Variants in UMODL1 observed in about 807,000 individuals in gnomAD.
UMODL1 encodes uromodulin-like 1.
A neutral mutation model predicts 136.3 loss-of-function variants in UMODL1; 128 were observed. That is an observed-to-expected ratio of 0.94 (90% CI 0.81 to 1.09). The LOEUF (loss-of-function observed/expected upper bound fraction) is 1.09. Among genes scored for constraint, UMODL1 ranks in the 50% least tolerant of loss-of-function variants. UMODL1 has a pLI of 0.00. For synonymous variants in UMODL1, 721 were observed against 720.0 expected (o/e 1.00, Z -0.02); for missense variants, 1,766 against 1,725.6 (o/e 1.02, Z -0.41).
chr21:42,131,049 A>G (rs959555591), intron 21 of UMODL1, among the ~76,000 whole-genome samples: 4 of 151,986 alleles, frequency 2.6e-5, no homozygotes, highest in Non-Finnish European at 4.4e-5. Context: ...TCCTGACCTC[A>G]TGATTTGCCC....
chr21:42,070,885 T>G (rs1160664907), upstream of UMODL1, among the ~76,000 whole-genome samples: 2 of 152,220 alleles, frequency 1.3e-5, no homozygotes, highest in Non-Finnish European at 2.9e-5. Flanking sequence ...TGTTCCACTT[T>G]GATTTGATGC....
chr21:42,066,276 C>T (rs529360977), intron 1 of UMODL1, among the ~76,000 whole-genome samples: 2 of 152,254 alleles, frequency 1.3e-5, no homozygotes, highest in Admixed American at 6.5e-5. Context: ...CTGAGCATTA[C>T]TCTTTATTTA....
intron 2 of UMODL1, 47 bp from the exon 3 acceptor site, chr21:42,084,037 G>T (rs763386042): frequency 8.8e-6 from 14 of 1,598,236 alleles, no homozygotes; most frequent in African/African-American, 2.7e-5. Context: ...AGCAAATCAG[G>T]TTTGTCTTTT....
At chr21:42,118,971 C>A (rs923816595) in intron 14 of UMODL1, 140 bp from the exon 15 acceptor site, 1 of 765,694 alleles carries the variant, frequency 1.3e-6, no homozygotes, top group Non-Finnish European at 2.1e-6. Flanking sequence ...AGGAAAGGGG[C>A]CCAGAACCAA....
rs2066593083 is a variant in UMODL1 at position 42,099,023 on chromosome 21, T to C, written c.1029T>C (p.His343=). ...ATTCTACACAGAACCACACTTTCCA[T>C]GTCCGGGTTTACCGGGGTATGGAGT... ...RLNSTQNHTF[H]VRVYRGMELL... Residue 343 remains histidine, a synonymous_variant, in exon 7 of 23, where the codon CAT becomes CAC. Transcript: ENST00000408910. This position sits in a 1 kb window ranked among gnomAD's most constrained non-coding sequence, Gnocchi z 4.1. 1 of 1,614,122 alleles carries C rather than the reference T, an allele frequency of 6.2e-7. No homozygotes were observed. Among genetic ancestry groups the C allele is most frequent in the Non-Finnish European group, 8.5e-7 (1 of 1,179,996 alleles).
chr21:42,068,157 G>A (rs985448189), upstream of UMODL1, among the ~76,000 whole-genome samples: 1 of 152,150 alleles, frequency 6.6e-6, no homozygotes, highest in Non-Finnish European at 1.5e-5. This position sits in a 1 kb window ranked among gnomAD's most constrained non-coding sequence, Gnocchi z 5.5. Flanking sequence ...ATTCCATATC[G>A]TGAGGAATTT....
In UMODL1 at chr21:42,127,838, GT is replaced by G. The variant is rs1203040216; in HGVS notation, c.3690+13del. ...CGGAGCCACGTGCAAAATCGTAAGT[GT>G]TTTTTGGTTTTCTAAACGTTTGGTT... is the stretch of plus-strand genomic sequence containing the variant. On this transcript the variant is annotated splice_region_variant and intron_variant, in intron 20 of 22. Transcript: ENST00000408910. The G allele has an allele frequency of 2.5e-6, 4 of 1,610,064 alleles. No individual in the cohort carries two copies. Among genetic ancestry groups the G allele is most frequent in the Non-Finnish European group, 3.4e-6 (4 of 1,178,418 alleles).
At chr21:42,069,992 T>G (rs1351647202), upstream of UMODL1, among the ~76,000 whole-genome samples, 1 of 152,218 alleles carries the variant, frequency 6.6e-6, no homozygotes, top group East Asian at 1.9e-4. Context: ...GGACACCCGT[T>G]GTACGCAGCC....
intron 6 of UMODL1, among the ~76,000 whole-genome samples, chr21:42,094,639 C>T (rs538472769): frequency 5.9e-5 from 9 of 152,230 alleles, no homozygotes; most frequent in African/African-American, 2.2e-4. Context: ...AACCAAAAAC[C>T]AAGTTATAGG....
At position 42,137,519 on chromosome 21, in the gene UMODL1, G is replaced by A; in HGVS notation, c.3856G>A (p.Gly1286Arg). The stretch of plus-strand genomic sequence containing the variant: ...GGTGGCCATCTTCGTGCTGGTGGCG[G>A]GAACAGCCACCCTTCTGATCGTGCG... The part of the protein sequence containing the change: ...IVVAIFVLVA[G>R]TATLLIVRYQ... The change falls in exon 22 of 23, where the codon GGA (glycine) becomes AGA (arginine). Residue 1286 changes from glycine (G) to arginine (R), a missense_variant. Gly to Arg is a moderately radical substitution (Grantham distance 125). Transcript: ENST00000408910. 6.2e-7 allele frequency: 1 copy of A among 1,614,220 alleles called. No homozygotes were observed. The highest frequency in any genetic ancestry group is 8.5e-7 in the Non-Finnish European group (1 of 1,180,038).
intron 17 of UMODL1, among the ~76,000 whole-genome samples, chr21:42,124,497 A>G (rs1275302082): frequency 1.3e-5 from 2 of 152,076 alleles, no homozygotes; most frequent in African/African-American, 4.8e-5. Context: ...GAGGCTGGAA[A>G]CCATGGCGGA....
At chr21:42,097,429 G>A (rs956688338) in intron 6 of UMODL1, among the ~76,000 whole-genome samples, 4 of 152,206 alleles carry the variant, frequency 2.6e-5, no homozygotes, top group South Asian at 2.1e-4. Flanking sequence ...GGGCTATGTC[G>A]CGTGGTGGTG....
At position 42,084,333 on chromosome 21, in the gene UMODL1, T is replaced by A. The variant is rs373330009; in HGVS notation, c.481+88T>A. The A allele has an allele frequency of 4.9e-6, 7 of 1,438,066 alleles. 1 individual carries two copies. Among genetic ancestry groups the A allele is most frequent in the African/African-American group, 1.4e-5 (1 of 69,766 alleles). The allele number at this position is 1,438,066 out of a possible 1,614,324, so 89.1% of individuals were successfully genotyped here. On this transcript the variant is annotated intron_variant, in intron 3 of 22. Coordinates refer to ENST00000408910, the MANE Select transcript of UMODL1 (RefSeq NM_001004416.3). Reference sequence around the variant, plus strand: ...CTGTGTGAAGGTGTGGGGGGGAGTGTGTTTCTAGGAGCAGTGACCGATTTC... The same window carrying A: ...CTGTGTGAAGGTGTGGGGGGGAGTGAGTTTCTAGGAGCAGTGACCGATTTC...
chr21:42,099,360 C>T lies in UMODL1; in HGVS notation c.1186+180C>T, dbSNP rs55999015. Among the ~76,000 whole-genome samples the T allele has an allele frequency of 0.27, 40,808 of 152,076 alleles. 5,534 individuals are homozygous for T. Among genetic ancestry groups the T allele is most frequent in the South Asian group, 0.32 (1,549 of 4,824 alleles). ...CTGCCTGCCCGGCATTGCACCGGCC[C>T]GCTGGTGCCTTCACTGGCTCCCTCG... is the stretch of plus-strand genomic sequence containing the variant. On this transcript the variant is annotated intron_variant, in intron 7 of 22. Coordinates refer to ENST00000408910, the MANE Select transcript of UMODL1 (RefSeq NM_001004416.3). The surrounding 1 kb of genome is among the most constrained non-coding windows in gnomAD (Gnocchi z 4.1).
intron 1 of UMODL1, among the ~76,000 whole-genome samples, chr21:42,074,032 T>C (rs2066260289): frequency 6.6e-6 from 1 of 152,218 alleles, no homozygotes; most frequent in Non-Finnish European, 1.5e-5. Context: ...TCACCATCCC[T>C]GTGTGCACTG....
intron 15 of UMODL1, chr21:42,120,569 A>G (rs796477173): frequency 6.6e-5 from 10 of 152,502 alleles, no homozygotes; most frequent in African/African-American, 2.4e-4. Context: ...CTCTCAGAGC[A>G]TGCCTGCATT....
Position 42,137,541 on chromosome 21 carries a change from T to C in UMODL1, c.3878T>C (p.Val1293Ala), listed in dbSNP as rs748282154. 3.1e-6 allele frequency: 5 copies of C among 1,614,246 alleles called. No individual in the cohort carries two copies. In the Admixed American group the frequency reaches 8.3e-5, roughly 27 times the overall value. ...LVAGTATLLI[V>A]RYQRMNGRYN... ...GCGGGAACAGCCACCCTTCTGATCG[T>C]GCGCTACCAGAGAATGAATGGGAGA... Residue 1293 changes from valine (V) to alanine (A), a missense_variant, in exon 22 of 23, where the codon GTG becomes GCG. By Grantham distance (64) the Val-to-Ala change is moderately conservative. Transcript: ENST00000408910.
At chr21:42,069,388 G>A (rs868850476), upstream of UMODL1, among the ~76,000 whole-genome samples, 2 of 152,112 alleles carry the variant, frequency 1.3e-5, no homozygotes, top group Admixed American at 6.5e-5. Flanking sequence ...TAAAGAGACA[G>A]CATGTTACAA....
At chr21:42,066,046 G>T (rs1179403147) in intron 1 of UMODL1, among the ~76,000 whole-genome samples, 1 of 152,190 alleles carries the variant, frequency 6.6e-6, no homozygotes, top group Non-Finnish European at 1.5e-5. Context: ...ATTCCTGATC[G>T]TGGTGCTAAT....
Sources: gnomAD v4.1 joint callset for allele counts (sites outside exome capture counted in the v4.1 genomes callset) on GRCh38, gnomAD v4.1.1 for gene constraint, Gnocchi (gnomAD v3.1) non-coding constraint, MANE v1.5 for transcripts, NCBI Gene and HGNC (gene_info 2026-07-23, HGNC 2026-07-21) for gene names.